The following ST6GALNAC2 variants were observed in gnomAD, a reference collection of about 807,000 sequenced individuals.
ST6GALNAC2 encodes ST6 N-acetylgalactosaminide alpha-2,6-sialyltransferase 2, also known as alpha-N-acetylgalactosaminide alpha-2,6-sialyltransferase 2.
In ST6GALNAC2, 42 loss-of-function variants were observed where a neutral mutation model predicts 38.7. The observed-to-expected ratio is 1.09, with a 90% CI of 0.85 to 1.40. ST6GALNAC2 has a LOEUF of 1.40. Among genes scored for constraint, ST6GALNAC2 ranks in the 40% most tolerant of loss-of-function variants. ST6GALNAC2 has a pLI of 0.00. For synonymous variants in ST6GALNAC2, 233 were observed against 209.0 expected (o/e 1.11, Z -0.99); for missense variants, 506 against 481.7 (o/e 1.05, Z -0.47).
intron 7 of ST6GALNAC2, chr17:76,567,848 G>T (rs2075304219): frequency 2.9e-6 from 1 of 340,224 alleles, no homozygotes; most frequent in South Asian, 2.9e-5. Context: ...TATTTAGCCT[G>T]AGACTGCAGT....
chr17:76,583,475 G>A (rs2075504348), intron 1 of ST6GALNAC2, among the ~76,000 whole-genome samples: 1 of 151,806 alleles, frequency 6.6e-6, no homozygotes, highest in South Asian at 2.1e-4. Flanking sequence ...TAGACCCACT[G>A]TACTGCAAGC....
chr17:76,573,161 C>CCCA lies in ST6GALNAC2; in HGVS notation c.530+33_530+34insTGG. The stretch of plus-strand genomic sequence containing the variant: ...CACCCCCACCCTCCAGGCAACTCTC[C>CCCA]CTCCCGCCCCTCCCCAGCTCCTACC... On this transcript the variant is annotated intron_variant, in intron 4 of 8. Coordinates refer to ENST00000225276, the MANE Select transcript of ST6GALNAC2 (RefSeq NM_006456.3). This position sits in a 1 kb window ranked among gnomAD's most constrained non-coding sequence, Gnocchi z 5.1. 1.3e-6 allele frequency: 2 copies of CCCA among 1,551,478 alleles called. No individual in the cohort carries two copies. Among genetic ancestry groups the CCCA allele is most frequent in the Non-Finnish European group, 1.8e-6 (2 of 1,137,904 alleles).
At chr17:76,569,322 G>A (rs1195067599) in intron 6 of ST6GALNAC2, 2 of 222,294 alleles carry the variant, frequency 9.0e-6, no homozygotes, top group Non-Finnish European at 1.6e-5. Flanking sequence ...AGGACTTGGG[G>A]GGCACAGCGG....
At chr17:76,574,713 G>A (rs1415163896) in intron 2 of ST6GALNAC2, among the ~76,000 whole-genome samples, 174 bp from the exon 3 acceptor site, 2 of 150,918 alleles carry the variant, frequency 1.3e-5, no homozygotes, top group Non-Finnish European at 3.0e-5. Flanking sequence ...GTCTCGCTCT[G>A]TCGCCCAGGC....
At chr17:76,580,486 G>A (rs1018832141) in intron 1 of ST6GALNAC2, among the ~76,000 whole-genome samples, 6 of 151,894 alleles carry the variant, frequency 4.0e-5, no homozygotes, top group Non-Finnish European at 8.8e-5. Flanking sequence ...ACAAGTTCAG[G>A]AGATCGAGAC....
Position 76,574,403 on chromosome 17 carries a change from T to C in ST6GALNAC2, c.323A>G (p.His108Arg). ...CCCCCGCCAGCCATACGGGGCTTTG[T>C]GTTGGCTCAGGCGGTCCCAGAGCGC... is the stretch of plus-strand genomic sequence containing the variant. ...TPALWDRLSQ[H>R]KAPYGWRGLS... The change falls in exon 3 of 9, where the codon CAC (histidine) becomes CGC (arginine). Residue 108 changes from histidine to arginine, a missense_variant. By Grantham distance (29) the His-to-Arg change is conservative. Coordinates refer to ENST00000225276, the MANE Select transcript of ST6GALNAC2 (RefSeq NM_006456.3). The C allele has an allele frequency of 6.2e-7, 1 of 1,613,784 alleles. No homozygotes were observed. Among genetic ancestry groups the C allele is most frequent in the Non-Finnish European group, 8.5e-7 (1 of 1,179,894 alleles).
intron 8 of ST6GALNAC2, 54 bp from the exon 9 acceptor site, chr17:76,566,325 A>G: frequency 1.9e-6 from 3 of 1,585,172 alleles, no homozygotes; most frequent in Admixed American, 3.4e-5. Context: ...GTGTGTACAG[A>G]CACTTGGGTG....
At chr17:76,578,435 A>G (rs1408372020) in intron 2 of ST6GALNAC2, among the ~76,000 whole-genome samples, 1 of 152,186 alleles carries the variant, frequency 6.6e-6, no homozygotes, top group African/African-American at 2.4e-5. Context: ...TGTGACTTTT[A>G]TAGGAAGTAG....
intron 1 of ST6GALNAC2, among the ~76,000 whole-genome samples, chr17:76,581,400 A>G (rs1004195490): frequency 2.7e-5 from 4 of 150,688 alleles, no homozygotes; most frequent in Admixed American, 6.6e-5. Context: ...TTCTGATCTG[A>G]CTGTTCTGGG....
In ST6GALNAC2 at chr17:76,565,946, G is replaced by C; in HGVS notation, c.*158C>G. On this transcript the variant is annotated 3_prime_UTR_variant, in exon 9 of 9. Coordinates refer to ENST00000225276, the MANE Select transcript of ST6GALNAC2 (RefSeq NM_006456.3). ...GGATGAGCCAAGGACAAGCTGGGGT[G>C]TCCTATATTGAACAGACCTCGATGA... 1 of 687,458 alleles carries C rather than the reference G, an allele frequency of 1.5e-6. No homozygotes were observed. The highest frequency in any genetic ancestry group is 2.4e-6 in the Non-Finnish European group (1 of 418,622). 42.6% of individuals were successfully genotyped at this position (687,458 alleles called of 1,614,324 possible).
intron 6 of ST6GALNAC2, 60 bp from the exon 7 acceptor site, chr17:76,568,856 T>C: frequency 6.4e-7 from 1 of 1,563,218 alleles, no homozygotes. Context: ...AAGGGGGAGA[T>C]GGAGGGGAGG....
chr17:76,570,499 A>G, intron 6 of ST6GALNAC2, 66 bp downstream of exon 6: 1 of 1,167,498 alleles, frequency 8.6e-7, no homozygotes, highest in Non-Finnish European at 1.2e-6. Flanking sequence ...GGGAGCAAAA[A>G]GGAGATAACC....
chr17:76,582,338 A>ATTTTTTT (rs71158026), intron 1 of ST6GALNAC2, among the ~76,000 whole-genome samples: 26,747 of 114,580 alleles, frequency 0.23, 3,644 homozygotes, highest in African/African-American at 0.3. Flanking sequence ...ATGCCTGGCT[A>ATTTTTTT]TTTTTTTTTT....
chr17:76,577,418 T>C (rs1015264570), intron 2 of ST6GALNAC2, among the ~76,000 whole-genome samples: 1 of 152,002 alleles, frequency 6.6e-6, no homozygotes, highest in Admixed American at 6.6e-5. Context: ...CCCTTTGGTT[T>C]AGACCAGGTG....
At chr17:76,567,642 AAAAACTGAGGGCCTT>A in intron 7 of ST6GALNAC2, 90 bp from the exon 8 acceptor site, 1 of 853,258 alleles carries the variant, frequency 1.2e-6, no homozygotes, top group Non-Finnish European at 2.0e-6. Flanking sequence ...GGAAAACTTC[AAAAACTGAGGGCCTT>A]CTACTCCAGT....
intron 6 of ST6GALNAC2, chr17:76,570,253 C>T (rs2075338274): frequency 2.9e-6 from 1 of 343,232 alleles, no homozygotes; most frequent in Non-Finnish European, 5.5e-6. Flanking sequence ...AGGGAGAGTG[C>T]AGCCCAAAGC....
intron 1 of ST6GALNAC2, among the ~76,000 whole-genome samples, chr17:76,582,047 T>C (rs2075482594): frequency 6.6e-6 from 1 of 151,854 alleles, no homozygotes; most frequent in Non-Finnish European, 1.5e-5. Flanking sequence ...TTTGTATTTT[T>C]AGTAGAGACG....
chr17:76,570,484 G>T, intron 6 of ST6GALNAC2, 81 bp downstream of exon 6: 3 of 955,676 alleles, frequency 3.1e-6, no homozygotes, highest in Middle Eastern at 3.1e-4. Flanking sequence ...CCCATGATGG[G>T]CCCTGGGAGC....
Position 76,566,729 on chromosome 17 carries a change from A to C in ST6GALNAC2, c.958-458T>G, listed in dbSNP as rs560162405. On this transcript the variant is annotated intron_variant, in intron 8 of 8. Coordinates refer to ENST00000225276, the MANE Select transcript of ST6GALNAC2 (RefSeq NM_006456.3). ...AAAAAAAAAAAGAGCTGGGCGTGGC[A>C]GTACATGCCTGTGATCCCAGCTACC... Among the ~76,000 whole-genome samples, 142 of 149,926 alleles carry C rather than the reference A, an allele frequency of 9.5e-4. 1 individual carries two copies. Among genetic ancestry groups the C allele is most frequent in the African/African-American group, 3.2e-3 (133 of 40,948 alleles).
Sources: allele counts gnomAD v4.1 joint callset (sites outside exome capture counted in the v4.1 genomes callset), GRCh38; gene constraint gnomAD v4.1.1; non-coding constraint Gnocchi (gnomAD v3.1); transcripts MANE v1.5; gene names NCBI Gene and HGNC (gene_info 2026-07-23, HGNC 2026-07-21).